Variants in CLASP2 observed in about 807,000 individuals in gnomAD.
CLASP2 encodes the protein CLIP-associating protein 2.
Under a neutral mutation model 194.4 loss-of-function variants are expected in CLASP2, and 47 were observed. That is an observed-to-expected ratio of 0.24 (90% CI 0.19 to 0.31). The LOEUF (loss-of-function observed/expected upper bound fraction) is 0.31, where lower values mean the gene tolerates loss of function less well. CLASP2 is among the 10% of genes least tolerant of loss of function. The pLI is 1.00. For synonymous variants in CLASP2, 619 were observed against 633.5 expected, an observed-to-expected ratio of 0.98 and a Z score of 0.34; for missense variants, 1,445 against 1,823.6, an observed-to-expected ratio of 0.79 and a Z score of 3.78.
chr3:33,570,338 A>T (rs1243663802), intron 26 of CLASP2, among the ~76,000 whole-genome samples: 1 of 152,202 alleles, frequency 6.6e-6, no homozygotes, highest in Non-Finnish European at 1.5e-5. Context: ...TATTATTTCA[A>T]AATTGAAACA....
chr3:33,686,027 A>G (rs886263092), intron 5 of CLASP2, among the ~76,000 whole-genome samples: 12 of 150,744 alleles, frequency 8.0e-5, no homozygotes, highest in Admixed American at 2.6e-4. Context: ...TAATAAAAGG[A>G]AAAAAAAAGA....
chr3:33,650,920 T>C (rs1172872337), intron 7 of CLASP2, among the ~76,000 whole-genome samples: 4 of 152,236 alleles, frequency 2.6e-5, no homozygotes, highest in East Asian at 1.9e-4. Flanking sequence ...CAATGACTTA[T>C]CTGCATGCCT....
At chr3:33,562,770 G>C (rs2062005848) in intron 27 of CLASP2, among the ~76,000 whole-genome samples, 1 of 152,082 alleles carries the variant, frequency 6.6e-6, no homozygotes, top group Non-Finnish European at 1.5e-5. Flanking sequence ...AGAATGCCTA[G>C]GTCAACCTCC....
intron 7 of CLASP2, among the ~76,000 whole-genome samples, chr3:33,649,227 G>T (rs1340327972): frequency 1.3e-5 from 2 of 152,042 alleles, no homozygotes; most frequent in Non-Finnish European, 2.9e-5. Context: ...GTTTTCTCTG[G>T]ATACTAAAAT....
At chr3:33,595,046 C>A in intron 19 of CLASP2, 78 bp from the exon 20 acceptor site, 1 of 783,012 alleles carries the variant, frequency 1.3e-6, no homozygotes, top group South Asian at 3.3e-5. Flanking sequence ...AGTCCCCACC[C>A]AACACTACAA....
At chr3:33,522,362 T>G (rs1196362086) in intron 34 of CLASP2, among the ~76,000 whole-genome samples, 2 of 152,100 alleles carry the variant, frequency 1.3e-5, no homozygotes, top group Admixed American at 1.3e-4. Flanking sequence ...GAGGCTGATC[T>G]TTGGCATAGA....
intron 28 of CLASP2, 111 bp from the exon 29 acceptor site, chr3:33,559,496 T>C (rs2061460036): frequency 1.5e-6 from 1 of 662,408 alleles, no homozygotes; most frequent in East Asian, 2.7e-5. Context: ...AAAACATCCA[T>C]GAAGTAGTAT....
At chr3:33,504,019 T>C (rs1014840421) in intron 37 of CLASP2, 2 of 152,210 alleles carry the variant, frequency 1.3e-5, no homozygotes, top group African/African-American at 2.4e-5. Flanking sequence ...ATTTAAAAGT[T>C]ATTTATCCTT....
chr3:33,624,288 C>A (rs971174701), intron 10 of CLASP2, among the ~76,000 whole-genome samples: 1 of 151,394 alleles, frequency 6.6e-6, no homozygotes, highest in African/African-American at 2.4e-5. Flanking sequence ...GTAAAAAAAC[C>A]CTGCTATGGA....
At chr3:33,636,190 C>T in intron 8 of CLASP2, among the ~76,000 whole-genome samples, 1 of 152,034 alleles carries the variant, frequency 6.6e-6, no homozygotes, top group East Asian at 1.9e-4. Flanking sequence ...GTAGAAAGCC[C>T]CCAACAAATC....
intron 12 of CLASP2, among the ~76,000 whole-genome samples, chr3:33,614,582 A>C (rs2075775148): frequency 1.3e-5 from 2 of 152,186 alleles, no homozygotes; most frequent in South Asian, 4.1e-4. Flanking sequence ...AACTTCCTAA[A>C]GGTTGCTTGG....
chr3:33,645,929 TAC>T (rs60196645), intron 7 of CLASP2, among the ~76,000 whole-genome samples: 32,637 of 134,712 alleles, frequency 0.24, 3,774 homozygotes, highest in South Asian at 0.37. Flanking sequence ...TCTCCCAGCA[TAC>T]ACACACACAC....
chr3:33,614,326 CA>C (rs1195701249), intron 12 of CLASP2, among the ~76,000 whole-genome samples: 2 of 151,652 alleles, frequency 1.3e-5, no homozygotes, highest in African/African-American at 4.9e-5. Flanking sequence ...AGAAGTTATT[CA>C]AAAAATGATA....
chr3:33,535,216 T>C lies in CLASP2; in HGVS notation c.3787+17A>G, dbSNP rs745560178. ...AGTTCTCCAAAACAGACAGTAGCAG[T>C]GTGACCCAGAACATACCGTCAGGAA... On this transcript the variant is annotated intron_variant, in intron 34 of 38. Coordinates refer to ENST00000682230, the MANE Select transcript of CLASP2 (RefSeq NM_001365631.1). 1.3e-6 allele frequency: 2 copies of C among 1,565,458 alleles called. No homozygotes were observed. Among genetic ancestry groups the C allele is most frequent in the Non-Finnish European group, 1.8e-6 (2 of 1,136,582 alleles).
chr3:33,692,525 T>C (rs762116334), intron 2 of CLASP2, among the ~76,000 whole-genome samples: 2 of 152,232 alleles, frequency 1.3e-5, no homozygotes, highest in Admixed American at 1.3e-4. Context: ...CATACTACCT[T>C]GAAGTCAAAT....
At position 33,604,326 on chromosome 3, in the gene CLASP2, T is replaced by C. The variant is rs1054798618; in HGVS notation, c.1695-117A>G. On this transcript the variant is annotated intron_variant, in intron 16 of 38. Coordinates refer to ENST00000682230, the MANE Select transcript of CLASP2 (RefSeq NM_001365631.1). ...TGAGAAGTATTTCTTTTTTCTTTTT[T>C]TTTTTTTTTGAGACAGAGTCTTGCT... 4.4e-5 allele frequency: 32 copies of C among 728,690 alleles called. No homozygotes were observed. The African/African-American group carries it at 4.7e-4, about 11-fold the overall frequency. The allele number at this position is 728,690 out of a possible 1,614,324, so 45.1% of individuals were successfully genotyped here.
At chr3:33,686,975 T>A (rs997378026) in intron 5 of CLASP2, 85 bp downstream of exon 5, 1 of 756,390 alleles carries the variant, frequency 1.3e-6, no homozygotes, top group African/African-American at 1.8e-5. Flanking sequence ...CCCTCTCTCT[T>A]CTTTTTTAAA....
chr3:33,684,432 T>G lies in CLASP2; in HGVS notation c.571A>C (p.Ile191Leu), dbSNP rs891580930. 2 of 1,601,514 alleles carry G rather than the reference T, an allele frequency of 1.2e-6. No individual in the cohort carries two copies. The highest frequency in any genetic ancestry group is 1.7e-6 in the Non-Finnish European group (2 of 1,173,044). Residue 191 changes from isoleucine (I) to leucine (L), a missense_variant, in exon 6 of 39, where the codon ATA (isoleucine) becomes CTA (leucine). By Grantham distance (5) the Ile-to-Leu change is conservative. This residue lies in a region of CLASP2 where 332 missense variants were observed against 325.3 expected (regional missense o/e 1.02). Transcript: ENST00000682230. The stretch of plus-strand genomic sequence containing the variant: ...CCCACATGTCTATAAATCTCCACTA[T>G]AGCCAATATTGCAGCATCTCTCACC... ...SQVRDAAILA[I>L]VEIYRHVGEK...
At chr3:33,661,000 A>C (rs529444145) in intron 7 of CLASP2, among the ~76,000 whole-genome samples, 1 of 152,344 alleles carries the variant, frequency 6.6e-6, no homozygotes, top group Admixed American at 6.5e-5. Context: ...TGTTACTTAT[A>C]AAAATTTGTT....
Sources: gnomAD v4.1 joint callset for allele counts (sites outside exome capture counted in the v4.1 genomes callset) on GRCh38, gnomAD v4.1.1 for gene constraint, gnomAD v4.1.1 regional missense constraint, MANE v1.5 for transcripts, NCBI Gene and HGNC (gene_info 2026-07-23, HGNC 2026-07-21) for gene names.